ACTR10: variants seen among roughly 807,000 people sequenced by gnomAD.
The protein encoded by ACTR10 is actin related protein 10.
Under a neutral mutation model 56.2 loss-of-function variants are expected in ACTR10, and 43 were observed. That is an observed-to-expected ratio of 0.77 (90% confidence interval 0.60 to 0.99). The LOEUF (loss-of-function observed/expected upper bound fraction) is 0.99. Among genes scored for constraint, ACTR10 ranks in the 50% least tolerant of loss-of-function variants. ACTR10 has a pLI of 0.00. For synonymous variants in ACTR10, 170 were observed against 176.3 expected, an observed-to-expected ratio of 0.96 and a Z score of 0.28; for missense variants, 466 against 507.8, an observed-to-expected ratio of 0.92 and a Z score of 0.79.
At chr14:58,232,035 T>C in intron 11 of ACTR10, 31 bp from the exon 12 acceptor site, 3 of 1,507,766 alleles carry the variant, frequency 2.0e-6, no homozygotes, top group Non-Finnish European at 1.8e-6. Context: ...CAGTTCAGAA[T>C]AAATCCTTCT....
At chr14:58,225,335 T>C (rs1889372514) in intron 10 of ACTR10, among the ~76,000 whole-genome samples, 1 of 152,220 alleles carries the variant, frequency 6.6e-6, no homozygotes, top group African/African-American at 2.4e-5. Context: ...AGTAACAATA[T>C]AACATTTGTT....
At chr14:58,221,079 C>T (rs377110525) in intron 8 of ACTR10, among the ~76,000 whole-genome samples, 99 of 149,308 alleles carry the variant, frequency 6.6e-4, no homozygotes, top group African/African-American at 2.4e-3. Context: ...GTCAAAAGAT[C>T]GAGACCATTC....
chr14:58,202,115 T>A (rs1888724584), intron 1 of ACTR10, among the ~76,000 whole-genome samples: 1 of 151,914 alleles, frequency 6.6e-6, no homozygotes, highest in Non-Finnish European at 1.5e-5. Flanking sequence ...CAAATATATA[T>A]GCATAATCAT....
chr14:58,200,315 C>T, intron 1 of ACTR10, 21 bp downstream of exon 1: 1 of 1,489,488 alleles, frequency 6.7e-7, no homozygotes, highest in Non-Finnish European at 8.9e-7. Flanking sequence ...GTGACGCCAG[C>T]TGTGTTCGAC....
At chr14:58,205,172 G>A (rs1888824971) in intron 2 of ACTR10, among the ~76,000 whole-genome samples, 2 of 151,752 alleles carry the variant, frequency 1.3e-5, no homozygotes, top group Non-Finnish European at 2.9e-5. Context: ...GGTGAGCTGA[G>A]ATTGTGCCAT....
At chr14:58,206,069 A>G (rs1313492052) in intron 2 of ACTR10, among the ~76,000 whole-genome samples, 1 of 151,964 alleles carries the variant, frequency 6.6e-6, no homozygotes, top group Non-Finnish European at 1.5e-5. Context: ...CTAATTTTTC[A>G]TGTCATTTTG....
At position 58,214,841 on chromosome 14, in the gene ACTR10, C is replaced by G. The variant is rs188147486; in HGVS notation, c.519-364C>G. On this transcript the variant is annotated intron_variant, in intron 6 of 12. Coordinates refer to ENST00000254286, the MANE Select transcript of ACTR10 (RefSeq NM_018477.3). ...AATAATCGGGCTGGGTGTGGTGGCT[C>G]ACACCTGTAATCCCAGCACTCTGGG... Among the ~76,000 whole-genome samples, 561 of 149,780 alleles carry G rather than the reference C, an allele frequency of 3.7e-3. 3 individuals carry two copies. The highest frequency in any genetic ancestry group is 5.2e-3 in the Non-Finnish European group (352 of 67,488).
In ACTR10 at chr14:58,200,189, A is replaced by G. The variant is rs1399544571; in HGVS notation, c.-29A>G. ...AGACTTGTTGGCCGCGGAGACTGCG[A>G]CCCTCTTCTCTCAGTCTGCCTTACT... On this transcript the variant is annotated 5_prime_UTR_variant, in exon 1 of 13. Transcript: ENST00000254286. 3.3e-6 allele frequency: 5 copies of G among 1,495,240 alleles called. No homozygotes were observed. Among genetic ancestry groups the G allele is most frequent in the Non-Finnish European group, 4.5e-6 (5 of 1,117,630 alleles). The allele number at this position is 1,495,240 out of a possible 1,614,324, so 92.6% of individuals were successfully genotyped here.
intron 1 of ACTR10, among the ~76,000 whole-genome samples, chr14:58,201,403 GAC>G (rs1888700863): frequency 6.6e-6 from 1 of 152,190 alleles, no homozygotes. Flanking sequence ...ATTTGAAAAA[GAC>G]AGCAGGAGGA....
chr14:58,231,154 G>T, intron 11 of ACTR10: 1 of 259,078 alleles, frequency 3.9e-6, no homozygotes, highest in Non-Finnish European at 8.5e-6. Context: ...CCGGGTTCAA[G>T]TGAGTATCCT....
intron 3 of ACTR10, 87 bp downstream of exon 3, chr14:58,208,105 CAAA>C (rs34557633): frequency 3.0e-3 from 2,699 of 912,450 alleles, no homozygotes; most frequent in South Asian, 6.1e-3. Flanking sequence ...CAGCTGAGGC[CAAA>C]AAAAAAAAAA....
rs1888990422 is a variant in ACTR10 at position 58,211,380 on chromosome 14, G to A, written c.431G>A (p.Arg144Lys). The A allele has an allele frequency of 3.1e-6, 5 of 1,613,256 alleles. No homozygotes were observed. In the Admixed American group the frequency reaches 8.3e-5, roughly 27 times the overall value. Residue 144 changes from arginine (R) to lysine (K), a missense_variant, in exon 5 of 13, where the codon AGG becomes AAG. Physicochemically the swap from Arg to Lys is conservative, Grantham distance 26. Transcript: ENST00000254286. The part of the protein sequence containing the change: ...NSAMVLDCGY[R>K]ESLVLPIYEG... ...GCCATGGTCCTAGATTGTGGATATA[G>A]GGAAAGCCTGGTGTTACCCATATCT... is the stretch of plus-strand genomic sequence containing the variant.
chr14:58,219,842 A>C (rs1483822599), intron 8 of ACTR10, 113 bp downstream of exon 8: 3 of 652,838 alleles, frequency 4.6e-6, no homozygotes, highest in Non-Finnish European at 7.1e-6. Context: ...ATATCCTAAA[A>C]GTATTTAATA....
intron 6 of ACTR10, 31 bp from the exon 7 acceptor site, chr14:58,215,174 C>A: frequency 7.3e-7 from 1 of 1,361,634 alleles, no homozygotes; most frequent in Non-Finnish European, 1.0e-6. Flanking sequence ...TCAATATTTT[C>A]ATTCCAGTAA....
chr14:58,222,125 TATATC>T lies in ACTR10; in HGVS notation c.635-1490_635-1486del, dbSNP rs1236454748. On this transcript the variant is annotated intron_variant, in intron 8 of 12. Coordinates refer to ENST00000254286, the MANE Select transcript of ACTR10 (RefSeq NM_018477.3). Reference sequence around the variant, plus strand: ...ATTATGAAAAGAATTGTGTATAATATATATCATATCAATATGCATTATATATATTA... The same window carrying T: ...ATTATGAAAAGAATTGTGTATAATATATATCAATATGCATTATATATATTA... Among the ~76,000 whole-genome samples, 9 of 152,092 alleles carry T rather than the reference TATATC, an allele frequency of 5.9e-5. 1 individual carries two copies. The South Asian group carries it at 1.7e-3, about 28-fold the overall frequency.
chr14:58,220,281 T>C (rs1281469038), intron 8 of ACTR10, among the ~76,000 whole-genome samples: 3 of 152,190 alleles, frequency 2.0e-5, no homozygotes, highest in African/African-American at 7.2e-5. Flanking sequence ...GTTAATAATT[T>C]AGGATGTTTA....
chr14:58,211,026 GAATA>G (rs1888980436), intron 4 of ACTR10: 2 of 303,184 alleles, frequency 6.6e-6, no homozygotes, highest in Non-Finnish European at 1.2e-5. Flanking sequence ...AAGAGAACAA[GAATA>G]AAGAAAAATG....
rs776529735 is a variant in ACTR10 at position 58,234,589 on chromosome 14, A to G, written c.*38A>G. The G allele has an allele frequency of 2.5e-6, 4 of 1,574,788 alleles. No individual in the cohort carries two copies. In the East Asian group the frequency reaches 9.0e-5, roughly 35 times the overall value. On this transcript the variant is annotated 3_prime_UTR_variant, in exon 13 of 13. Transcript: ENST00000254286. ...AAATCAACCTTGCTTCATATCAAAT[A>G]TTTAACCAATTATAAGCAAATTGTA...
At chr14:58,223,454 T>C in intron 8 of ACTR10, 168 bp from the exon 9 acceptor site, 1 of 667,914 alleles carries the variant, frequency 1.5e-6, no homozygotes, top group South Asian at 2.1e-5. Context: ...GGTTTTTTAA[T>C]GAACAAATTA....
Sources: gnomAD v4.1 joint callset for allele counts (sites outside exome capture counted in the v4.1 genomes callset) on GRCh38, gnomAD v4.1.1 for gene constraint, MANE v1.5 for transcripts, NCBI Gene and HGNC (gene_info 2026-07-23, HGNC 2026-07-21) for gene names.